NR5A2: variants seen among roughly 807,000 people sequenced by gnomAD.
NR5A2 encodes the protein CYP7A promoter-binding factor.
Under a neutral mutation model 62.7 loss-of-function variants are expected in NR5A2, and 26 were observed. The observed-to-expected ratio is 0.41, with a 90% confidence interval of 0.30 to 0.58. NR5A2 has a LOEUF of 0.58. Ranked by LOEUF, NR5A2 falls within the 20% of genes least tolerant of loss-of-function variation. The pLI is 0.22. For missense variants in NR5A2, 541 were observed against 669.1 expected, an observed-to-expected ratio of 0.81 and a Z score of 2.11; for synonymous variants, 246 against 241.7, an observed-to-expected ratio of 1.02 and a Z score of -0.16.
intron 6 of NR5A2, among the ~76,000 whole-genome samples, chr1:200,117,095 G>A (rs1234248429): frequency 6.6e-6 from 1 of 152,098 alleles, no homozygotes; most frequent in African/African-American, 2.4e-5. Flanking sequence ...TTTATCTAAA[G>A]GGGACATCAG....
chr1:200,033,080 C>T (rs1209210681), intron 1 of NR5A2, among the ~76,000 whole-genome samples: 1 of 152,186 alleles, frequency 6.6e-6, no homozygotes, highest in Non-Finnish European at 1.5e-5. Flanking sequence ...GAGTGGAAAT[C>T]ACATCTGGGA....
At chr1:200,163,031 T>A (rs1653715230) in intron 7 of NR5A2, among the ~76,000 whole-genome samples, 2 of 152,062 alleles carry the variant, frequency 1.3e-5, no homozygotes, top group African/African-American at 4.8e-5. Context: ...TTGAACACAC[T>A]GAAATAAAAT....
rs566376788 is a variant in NR5A2, at chr1:200,086,428, C to T, written c.1111-24774C>T. ...AAGCTATTCTCCTGCCTCAGCTTCC[C>T]GAGTAGCTGGGATTACAGGCATGCG... is the stretch of plus-strand genomic sequence containing the variant. On this transcript the variant is annotated intron_variant, in intron 5 of 7. Transcript: ENST00000367362. Among the ~76,000 whole-genome samples, 13 of 152,076 alleles carry T rather than the reference C, an allele frequency of 8.5e-5. 1 individual carries two copies. The highest frequency in any genetic ancestry group is 2.4e-4 in the African/African-American group (10 of 41,470).
chr1:200,049,990 A>C (rs1662550933), intron 5 of NR5A2, among the ~76,000 whole-genome samples: 1 of 152,218 alleles, frequency 6.6e-6, no homozygotes, highest in South Asian at 2.1e-4. Context: ...TAAGTTGATA[A>C]AATTCCATCA....
chr1:200,081,583 T>G (rs2102235447), intron 5 of NR5A2, among the ~76,000 whole-genome samples: 1 of 152,336 alleles, frequency 6.6e-6, no homozygotes. Context: ...GCCTCTTAAT[T>G]GCTCATTTGC....
At position 200,143,638 on chromosome 1, in the gene NR5A2, ATTT is replaced by A. The variant is rs11285826; in HGVS notation, c.1378+22703_1378+22705del. Among the ~76,000 whole-genome samples the A allele has an allele frequency of 3.4e-3, 356 of 103,282 alleles. 1 individual carries two copies. The highest frequency in any genetic ancestry group is 0.013 in the African/African-American group (327 of 25,734). 67.8% of individuals were successfully genotyped at this position (103,282 alleles called of 152,430 possible). On this transcript the variant is annotated intron_variant, in intron 7 of 7. Transcript: ENST00000367362. ...CACTGGACTCCAGCTATTGTTCATAATTTTTTTTTTTTTTTTTTTTTTGAGATG... is the reference window on the plus strand; with the variant it reads ...CACTGGACTCCAGCTATTGTTCATAATTTTTTTTTTTTTTTTTTTGAGATG...
chr1:200,170,012 T>G (rs1654098290), intron 7 of NR5A2, among the ~76,000 whole-genome samples: 1 of 152,206 alleles, frequency 6.6e-6, no homozygotes, highest in South Asian at 2.1e-4. Context: ...TGTGGGACAA[T>G]GCTATTTAAT....
At chr1:200,112,355 A>G (rs969332107) in intron 6 of NR5A2, among the ~76,000 whole-genome samples, 2 of 152,228 alleles carry the variant, frequency 1.3e-5, no homozygotes, top group Admixed American at 6.5e-5. Flanking sequence ...TGTGCTATTT[A>G]AATAAATGTG....
chr1:200,082,263 T>TA (rs1428373680), intron 5 of NR5A2, among the ~76,000 whole-genome samples: 1 of 152,248 alleles, frequency 6.6e-6, no homozygotes, highest in African/African-American at 2.4e-5. Context: ...CAGACTTGGA[T>TA]AAAACAGATG....
chr1:200,155,865 G>T (rs1337547802), intron 7 of NR5A2, among the ~76,000 whole-genome samples: 1 of 152,000 alleles, frequency 6.6e-6, no homozygotes, highest in Non-Finnish European at 1.5e-5. Flanking sequence ...GTAGAGACGG[G>T]GTTCCGCCAT....
At chr1:200,131,364 G>A (rs1053838030) in intron 7 of NR5A2, among the ~76,000 whole-genome samples, 17 of 152,084 alleles carry the variant, frequency 1.1e-4, no homozygotes, top group Non-Finnish European at 2.4e-4. Flanking sequence ...TTTGTTATTT[G>A]CTGGCACAAG....
chr1:200,117,752 C>T (rs1178884635), intron 6 of NR5A2, among the ~76,000 whole-genome samples: 3 of 151,350 alleles, frequency 2.0e-5, no homozygotes, highest in African/African-American at 4.9e-5. Flanking sequence ...TTGCTCTTGT[C>T]CCCCAGGCTG....
chr1:200,062,225 T>C (rs1663255597), intron 5 of NR5A2, among the ~76,000 whole-genome samples: 1 of 49,636 alleles, frequency 2.0e-5, no homozygotes, highest in Admixed American at 2.1e-4. Flanking sequence ...CCCTGGCAGA[T>C]TTTGTGTGTG....
chr1:200,101,111 T>C (rs1167157910), intron 5 of NR5A2, among the ~76,000 whole-genome samples: 1 of 152,230 alleles, frequency 6.6e-6, no homozygotes, highest in Non-Finnish European at 1.5e-5. Flanking sequence ...TATATATGCA[T>C]ACATACAGAT....
chr1:200,036,367 C>T (rs143881149), intron 1 of NR5A2, among the ~76,000 whole-genome samples: 1 of 152,322 alleles, frequency 6.6e-6, no homozygotes, highest in Non-Finnish European at 1.5e-5. Context: ...GGGTCCCCGG[C>T]TTCAACAGGG....
At chr1:200,057,651 G>A (rs767202825) in intron 5 of NR5A2, 15 of 342,718 alleles carry the variant, frequency 4.4e-5, no homozygotes, top group Non-Finnish European at 7.6e-5. Context: ...TCTAATTTTT[G>A]TATTTTTAGT....
At chr1:200,117,942 G>A (rs1666308388) in intron 6 of NR5A2, among the ~76,000 whole-genome samples, 1 of 150,990 alleles carries the variant, frequency 6.6e-6, no homozygotes, top group African/African-American at 2.4e-5. Flanking sequence ...TCGAACTCCC[G>A]ACCTCAGGTG....
chr1:200,027,942 T>C (rs569886341), intron 1 of NR5A2, 31 bp downstream of exon 1: 12 of 1,434,712 alleles, frequency 8.4e-6, no homozygotes, highest in Admixed American at 4.0e-5. Flanking sequence ...TGATCATCTA[T>C]TTATTCTGCT....
At chr1:200,148,906 CTT>C (rs573219003) in intron 7 of NR5A2, among the ~76,000 whole-genome samples, 5,544 of 125,198 alleles carry the variant, frequency 0.044, 258 homozygotes, top group East Asian at 0.26. Flanking sequence ...GCATGCGGTA[CTT>C]TTTTTTTTTT....
Sources: gnomAD v4.1 joint callset for allele counts (sites outside exome capture counted in the v4.1 genomes callset) on GRCh38, gnomAD v4.1.1 for gene constraint, MANE v1.5 for transcripts, NCBI Gene and HGNC (gene_info 2026-07-23, HGNC 2026-07-21) for gene names.